The following FAM20A variants were observed in gnomAD, a reference collection of about 807,000 sequenced individuals.
FAM20A encodes the protein FAM20A golgi associated secretory pathway pseudokinase.
In FAM20A, 42 loss-of-function variants were observed where a neutral mutation model predicts 52.0. That is an observed-to-expected ratio of 0.81 (90% CI 0.63 to 1.04). FAM20A has a LOEUF of 1.04. Among genes scored for constraint, FAM20A ranks in the 50% least tolerant of loss-of-function variants. The pLI, the probability that FAM20A is intolerant of heterozygous loss-of-function variation, is 0.00. For missense variants in FAM20A, 742 were observed against 712.7 expected (o/e 1.04, Z -0.47); for synonymous variants, 304 against 298.9 (o/e 1.02, Z -0.18).
chr17:68,547,225 C>G (rs998179111), intron 4 of FAM20A, among the ~76,000 whole-genome samples: 12 of 152,200 alleles, frequency 7.9e-5, no homozygotes, highest in Admixed American at 6.5e-5. Flanking sequence ...GCGACATTAT[C>G]ACCTAACAAG....
chr17:68,597,289 CT>C (rs2088480906), intron 1 of FAM20A, among the ~76,000 whole-genome samples: 1 of 151,148 alleles, frequency 6.6e-6, no homozygotes, highest in Non-Finnish European at 1.5e-5. Context: ...ACTGATTTGG[CT>C]TATTTTATTC....
Position 68,599,163 on chromosome 17 carries a change from A to T in FAM20A, c.404+1100T>A, listed in dbSNP as rs141949301. Reference sequence around the variant, plus strand: ...CAGCATTACAAAATAATGAGCAAACAGTTAAATTGGCCCAGCTCTGAGTTT... The same window carrying T: ...CAGCATTACAAAATAATGAGCAAACTGTTAAATTGGCCCAGCTCTGAGTTT... On this transcript the variant is annotated intron_variant, in intron 1 of 10. Coordinates refer to ENST00000592554, the MANE Select transcript of FAM20A (RefSeq NM_017565.4). Among the ~76,000 whole-genome samples, 39 of 152,264 alleles carry T rather than the reference A, an allele frequency of 2.6e-4. No homozygotes were observed. In the East Asian group the frequency reaches 5.2e-3, roughly 20 times the overall value.
rs754525749 is a variant in FAM20A at position 68,543,655 on chromosome 17, A to C, written c.786T>G (p.Ala262=). ...FYFIDFQRHN[A]EIAAFHLDRI... Reference sequence around the variant, plus strand: ...TGTCCAGATGGAAAGCTGCGATCTCAGCATTGTGTCTCTGAAAGTCAATGA... The same window carrying C: ...TGTCCAGATGGAAAGCTGCGATCTCCGCATTGTGTCTCTGAAAGTCAATGA... Residue 262 remains alanine (A), a synonymous_variant, in exon 5 of 11, where the codon GCT becomes GCG. Coordinates refer to ENST00000592554, the MANE Select transcript of FAM20A (RefSeq NM_017565.4). The C allele has an allele frequency of 6.2e-7, 1 of 1,613,870 alleles. No individual in the cohort carries two copies. Among genetic ancestry groups the C allele is most frequent in the African/African-American group, 1.3e-5 (1 of 74,890 alleles).
intron 4 of FAM20A, among the ~76,000 whole-genome samples, chr17:68,550,386 TTTTTTTTTTTA>T (rs1166205803): frequency 5.8e-5 from 8 of 138,074 alleles, no homozygotes; most frequent in African/African-American, 2.3e-4. Flanking sequence ...TTTTTTTTTT[TTTTTTTTTTTA>T]AGATAGAGAG....
chr17:68,577,278 C>A (rs552405741), intron 1 of FAM20A, among the ~76,000 whole-genome samples: 1 of 152,340 alleles, frequency 6.6e-6, no homozygotes, highest in African/African-American at 2.4e-5. Flanking sequence ...CTGCATGGTA[C>A]ATGACACATT....
chr17:68,545,059 C>A (rs1600537963), intron 4 of FAM20A, among the ~76,000 whole-genome samples: 1 of 152,290 alleles, frequency 6.6e-6, no homozygotes, highest in African/African-American at 2.4e-5. Context: ...TAAAGTTCTA[C>A]ATTCTCTCTT....
intron 1 of FAM20A, among the ~76,000 whole-genome samples, chr17:68,599,587 A>G (rs1030014503): frequency 6.6e-6 from 1 of 152,212 alleles, no homozygotes; most frequent in African/African-American, 2.4e-5. Flanking sequence ...AGGATCATAC[A>G]AGACGATAAA....
At chr17:68,554,007 CAT>C in intron 3 of FAM20A, among the ~76,000 whole-genome samples, 1 of 84,446 alleles carries the variant, frequency 1.2e-5, no homozygotes, top group Non-Finnish European at 2.3e-5. Flanking sequence ...CACATATATG[CAT>C]ATATACATAT....
At chr17:68,540,147 G>A (rs1368854980) in intron 8 of FAM20A, among the ~76,000 whole-genome samples, 181 bp from the exon 9 acceptor site, 1 of 152,190 alleles carries the variant, frequency 6.6e-6, no homozygotes, top group African/African-American at 2.4e-5. Flanking sequence ...GGAGGGAGAA[G>A]GAAGCGAAAC....
At chr17:68,581,366 C>CTTTCTTTCTTTCTT (rs2087953689) in intron 1 of FAM20A, among the ~76,000 whole-genome samples, 1 of 134,720 alleles carries the variant, frequency 7.4e-6, no homozygotes, top group African/African-American at 2.9e-5. Context: ...TTCTTTCTTT[C>CTTTCTTTCTTTCTT]TTTCTTTCTT....
intron 7 of FAM20A, chr17:68,541,300 C>T: frequency 2.9e-6 from 1 of 347,054 alleles, no homozygotes; most frequent in Non-Finnish European, 5.6e-6. Context: ...CCTCTTGGAC[C>T]CTGCGCCACT....
In FAM20A at chr17:68,537,811, C is replaced by T; in HGVS notation, c.1362-70G>A. On this transcript the variant is annotated intron_variant, in intron 10 of 10. Coordinates refer to ENST00000592554, the MANE Select transcript of FAM20A (RefSeq NM_017565.4). The surrounding 1 kb of genome is among the most constrained non-coding windows in gnomAD (Gnocchi z 4.2). ...AAATAACTTGCCTGAACTTCTTTCCCCACAAACAGCTGTTGTAGCTGATAC... is the reference window on the plus strand; with the variant it reads ...AAATAACTTGCCTGAACTTCTTTCCTCACAAACAGCTGTTGTAGCTGATAC... The T allele has an allele frequency of 6.6e-7, 1 of 1,512,796 alleles. No homozygotes were observed. The highest frequency in any genetic ancestry group is 1.2e-5 in the South Asian group (1 of 83,222). The allele number at this position is 1,512,796 out of a possible 1,614,324, so 93.7% of individuals were successfully genotyped here. A position where few individuals can be genotyped will look rare whatever the true frequency, so the allele number is the denominator to read the frequency against.
chr17:68,595,930 G>T (rs1269658820), intron 1 of FAM20A, among the ~76,000 whole-genome samples: 1 of 152,140 alleles, frequency 6.6e-6, no homozygotes, highest in Non-Finnish European at 1.5e-5. Context: ...TCCTAGACGA[G>T]GCAATTCTTA....
intron 1 of FAM20A, among the ~76,000 whole-genome samples, chr17:68,586,210 G>A (rs904944056): frequency 6.6e-6 from 1 of 151,978 alleles, no homozygotes; most frequent in Non-Finnish European, 1.5e-5. Context: ...GAATTATTTT[G>A]TGATTTACCT....
chr17:68,551,035 C>T, intron 4 of FAM20A: 2 of 1,218,342 alleles, frequency 1.6e-6, no homozygotes, highest in Non-Finnish European at 2.1e-6. Flanking sequence ...TGGAGGAAAG[C>T]ATGACTTGGG....
At chr17:68,562,116 G>A (rs957420706) in intron 1 of FAM20A, among the ~76,000 whole-genome samples, 22 of 152,172 alleles carry the variant, frequency 1.4e-4, no homozygotes, top group Admixed American at 6.5e-4. Flanking sequence ...AAGCCACCAC[G>A]CCCGGCCCCC....
At chr17:68,554,884 C>T in intron 2 of FAM20A, 57 bp from the exon 3 acceptor site, 2 of 1,569,008 alleles carry the variant, frequency 1.3e-6, no homozygotes, top group Non-Finnish European at 1.8e-6. Flanking sequence ...GGAGAGCCTA[C>T]AACATGGAGG....
In FAM20A at chr17:68,600,980, C is replaced by T. The variant is rs1010551637; in HGVS notation, c.-314G>A. On this transcript the variant is annotated 5_prime_UTR_variant, in exon 1 of 11. Transcript: ENST00000592554. This position sits in a 1 kb window ranked among gnomAD's most constrained non-coding sequence, Gnocchi z 6.2. ...TCTCCCGTGCGCCCGCCCGCCCGGACGCTCGCGGCAGGTGAAGGGCCCCGG... is the reference window on the plus strand; with the variant it reads ...TCTCCCGTGCGCCCGCCCGCCCGGATGCTCGCGGCAGGTGAAGGGCCCCGG... 1.4e-5 allele frequency: 3 copies of T among 221,116 alleles called. No individual in the cohort carries two copies. The highest frequency in any genetic ancestry group is 2.3e-5 in the African/African-American group (1 of 43,540). 13.7% of individuals were successfully genotyped at this position (221,116 alleles called of 1,614,324 possible).
At position 68,600,427 on chromosome 17, in the gene FAM20A, C is replaced by A. The variant is rs759131233; in HGVS notation, c.240G>T (p.Pro80=). Residue 80 remains proline, a synonymous_variant, in exon 1 of 11, where the codon CCG becomes CCT. Coordinates refer to ENST00000592554, the MANE Select transcript of FAM20A (RefSeq NM_017565.4). This position sits in a 1 kb window ranked among gnomAD's most constrained non-coding sequence, Gnocchi z 6.2. ...TCGACCCGCTGTGGCTGCCGCCAGC[C>A]GGTTCAGTCCGGGGCTCGGTTCGGG... ...NFSRTEPRTE[P]AGGSHSGSSS... 1.2e-6 allele frequency: 2 copies of A among 1,611,182 alleles called. No individual in the cohort carries two copies. The highest frequency in any genetic ancestry group is 2.2e-5 in the East Asian group (1 of 44,752).
Sources: allele counts gnomAD v4.1 joint callset (sites outside exome capture counted in the v4.1 genomes callset), GRCh38; gene constraint gnomAD v4.1.1; non-coding constraint Gnocchi (gnomAD v3.1); transcripts MANE v1.5; gene names NCBI Gene and HGNC (gene_info 2026-07-23, HGNC 2026-07-21).